PPP2R5E: variants seen among roughly 807,000 people sequenced by gnomAD.
PPP2R5E encodes the protein protein phosphatase 2 regulatory subunit B'epsilon.
In PPP2R5E, 4 loss-of-function variants were observed where a neutral mutation model predicts 65.3. The observed-to-expected ratio is 0.06, with a 90% CI of 0.03 to 0.14. The LOEUF is 0.14. Among genes scored for constraint, PPP2R5E ranks in the 10% least tolerant of loss-of-function variants. PPP2R5E has a pLI of 1.00. For missense variants in PPP2R5E, 274 were observed against 556.1 expected, an observed-to-expected ratio of 0.49 and a Z score of 5.10; for synonymous variants, 183 against 187.4, an observed-to-expected ratio of 0.98 and a Z score of 0.19.
Position 63,372,342 on chromosome 14 carries a change from C to CA in PPP2R5E, c.*3666dup, listed in dbSNP as rs1566654930. 6.6e-6 allele frequency: 1 copy of CA among 152,108 alleles called. No individual in the cohort carries two copies. The highest frequency in any genetic ancestry group is 1.9e-4 in the East Asian group (1 of 5,192). The allele number at this position is 152,108 out of a possible 1,614,324, so 9.4% of individuals were successfully genotyped here. A position where few individuals can be genotyped will look rare whatever the true frequency, so the allele number is the denominator to read the frequency against. On this transcript the variant is annotated 3_prime_UTR_variant, in exon 14 of 14. Transcript: ENST00000337537. The stretch of plus-strand genomic sequence containing the variant: ...AAATGCAATGCCAATATACCTACTA[C>CA]AAAAATCTTTGTGGCTCATTCCTTA...
At chr14:63,394,578 C>T (rs929798081) in intron 7 of PPP2R5E, among the ~76,000 whole-genome samples, 20 of 152,164 alleles carry the variant, frequency 1.3e-4, no homozygotes, top group Non-Finnish European at 2.5e-4. Context: ...TGCTTGCTTC[C>T]GCCTTAAATA....
intron 3 of PPP2R5E, among the ~76,000 whole-genome samples, chr14:63,428,529 C>A (rs1281133309): frequency 1.3e-5 from 2 of 152,114 alleles, no homozygotes; most frequent in Non-Finnish European, 2.9e-5. Context: ...ATATTAAGAA[C>A]CTCTACTGAA....
intron 5 of PPP2R5E, among the ~76,000 whole-genome samples, chr14:63,399,124 G>A (rs79843292): frequency 0.09 from 13,744 of 151,930 alleles, 2,081 homozygotes; most frequent in African/African-American, 0.31. Context: ...CCAAATATCC[G>A]TCAACTGATA....
intron 2 of PPP2R5E, among the ~76,000 whole-genome samples, chr14:63,463,899 T>A (rs1363052520): frequency 2.0e-5 from 3 of 152,120 alleles, no homozygotes; most frequent in Admixed American, 6.6e-5. Flanking sequence ...CCCGGCCGAA[T>A]TGACTTTTTA....
At chr14:63,378,446 T>G (rs1884114655) in intron 13 of PPP2R5E, among the ~76,000 whole-genome samples, 1 of 152,180 alleles carries the variant, frequency 6.6e-6, no homozygotes, top group Non-Finnish European at 1.5e-5. Flanking sequence ...GTTAATTAAG[T>G]GTTGACATCA....
intron 2 of PPP2R5E, among the ~76,000 whole-genome samples, chr14:63,464,268 T>C (rs538000588): frequency 2.6e-5 from 4 of 152,258 alleles, no homozygotes; most frequent in Admixed American, 6.5e-5. Flanking sequence ...AAACATGTTA[T>C]ACGGTGTATG....
At chr14:63,394,746 C>A (rs1885225990) in intron 7 of PPP2R5E, among the ~76,000 whole-genome samples, 1 of 152,186 alleles carries the variant, frequency 6.6e-6, no homozygotes, top group Non-Finnish European at 1.5e-5. Flanking sequence ...ACATTATCCT[C>A]CCTTGTGTGT....
At chr14:63,382,920 T>G (rs1884451340) in intron 12 of PPP2R5E, among the ~76,000 whole-genome samples, 1 of 152,092 alleles carries the variant, frequency 6.6e-6, no homozygotes, top group African/African-American at 2.4e-5. Flanking sequence ...AAATGTTATA[T>G]ATATATGTGT....
chr14:63,491,347 C>T (rs916487921), intron 2 of PPP2R5E, among the ~76,000 whole-genome samples: 5 of 151,804 alleles, frequency 3.3e-5, no homozygotes, highest in Admixed American at 2.6e-4. Flanking sequence ...ATGTAACAAA[C>T]CTGTACGTGG....
chr14:63,387,318 T>A (rs933359933), intron 11 of PPP2R5E, among the ~76,000 whole-genome samples: 7 of 152,198 alleles, frequency 4.6e-5, no homozygotes, highest in Non-Finnish European at 7.3e-5. Context: ...AACCCACTAA[T>A]AAAAGTATGT....
At chr14:63,461,732 C>A (rs73274647) in intron 2 of PPP2R5E, among the ~76,000 whole-genome samples, 4,436 of 151,820 alleles carry the variant, frequency 0.029, 194 homozygotes, top group African/African-American at 0.098. Flanking sequence ...TCAGCCCAGG[C>A]TGCAGTGAGC....
intron 3 of PPP2R5E, among the ~76,000 whole-genome samples, chr14:63,445,789 C>G (rs961451564): frequency 6.6e-6 from 1 of 150,690 alleles, no homozygotes. Flanking sequence ...TTGCAGTGAG[C>G]GGAGATTGTG....
chr14:63,463,265 G>A (rs933845511), intron 2 of PPP2R5E, among the ~76,000 whole-genome samples: 20 of 151,248 alleles, frequency 1.3e-4, no homozygotes, highest in Non-Finnish European at 2.7e-4. Context: ...TCAGCCTCCC[G>A]AGTAGCTGGG....
intron 5 of PPP2R5E, among the ~76,000 whole-genome samples, chr14:63,413,409 C>G (rs183942867): frequency 6.6e-6 from 1 of 152,172 alleles, no homozygotes; most frequent in African/African-American, 2.4e-5. Flanking sequence ...CTACTTCTCC[C>G]TTGAAGTCAC....
At chr14:63,536,996 G>A (rs1594983817) in intron 2 of PPP2R5E, among the ~76,000 whole-genome samples, 2 of 152,036 alleles carry the variant, frequency 1.3e-5, no homozygotes, top group East Asian at 3.8e-4. Flanking sequence ...TTTAAACATG[G>A]TTAAGATGGT....
intron 3 of PPP2R5E, among the ~76,000 whole-genome samples, chr14:63,433,382 ACTAGTGGG>A (rs1163031409): frequency 1.3e-5 from 2 of 152,020 alleles, no homozygotes; most frequent in African/African-American, 4.8e-5. Flanking sequence ...GCACCAGTTG[ACTAGTGGG>A]CTTGCCTATA....
chr14:63,430,405 A>ATG (rs1887605729), intron 3 of PPP2R5E, among the ~76,000 whole-genome samples: 2 of 144,072 alleles, frequency 1.4e-5, no homozygotes, highest in East Asian at 3.9e-4. Flanking sequence ...ATACATGCAT[A>ATG]CATACATACA....
chr14:63,515,023 A>G (rs1892610232), intron 2 of PPP2R5E, among the ~76,000 whole-genome samples: 1 of 152,110 alleles, frequency 6.6e-6, no homozygotes, highest in Non-Finnish European at 1.5e-5. Context: ...TGAACATGCA[A>G]TATCTCTGTG....
At chr14:63,389,518 T>C (rs763996443) in intron 11 of PPP2R5E, 94 bp downstream of exon 11, 59 of 1,355,758 alleles carry the variant, frequency 4.4e-5, no homozygotes, top group Admixed American at 3.4e-4. Context: ...AAATAAACAA[T>C]AGGTAGCTAG....
Sources: allele counts gnomAD v4.1 joint callset (sites outside exome capture counted in the v4.1 genomes callset), GRCh38; gene constraint gnomAD v4.1.1; transcripts MANE v1.5; gene names NCBI Gene and HGNC (gene_info 2026-07-23, HGNC 2026-07-21).